SCN8A: variants seen among roughly 807,000 people sequenced by gnomAD.
SCN8A encodes the protein sodium channel protein type 8 subunit alpha.
SCN8A carries 30 observed loss-of-function variants against 184.1 expected under a neutral mutation model. That is an observed-to-expected ratio of 0.16 (90% CI 0.12 to 0.22). The LOEUF (loss-of-function observed/expected upper bound fraction) is 0.22, where lower values mean the gene tolerates loss of function less well. Among genes scored for constraint, SCN8A ranks in the 10% least tolerant of loss-of-function variants. The pLI is 1.00. For missense variants in SCN8A, 1,057 were observed against 2,498.9 expected (o/e 0.42, Z 12.30); for synonymous variants, 852 against 907.0 (o/e 0.94, Z 1.09).
rs754542157 is a variant in SCN8A at position 51,774,375 on chromosome 12, C to G, written c.3819+13C>G. On this transcript the variant is annotated intron_variant, in intron 20 of 26. Coordinates refer to ENST00000627620, the MANE Select transcript of SCN8A (RefSeq NM_001330260.2). Reference sequence around the variant, plus strand: ...CCTCATTGTGGCTGTAGGTGTCTTGCTTTCTGTTTCCCACCCCTTCCAGCA... The same window carrying G: ...CCTCATTGTGGCTGTAGGTGTCTTGGTTTCTGTTTCCCACCCCTTCCAGCA... 6.3e-6 allele frequency: 10 copies of G among 1,591,186 alleles called. No homozygotes were observed. In the African/African-American group the frequency reaches 1.1e-4, roughly 17 times the overall value.
At chr12:51,680,032 A>C (rs533581500) in intron 2 of SCN8A, among the ~76,000 whole-genome samples, 1 of 152,098 alleles carries the variant, frequency 6.6e-6, no homozygotes, top group Admixed American at 6.5e-5. Context: ...AAAAAGATCC[A>C]TTGTGAAAAA....
rs556325115 is a variant in SCN8A, at chr12:51,745,906, A to G, written c.2002A>G (p.Thr668Ala). Residue 668 changes from threonine to alanine, a missense_variant, in exon 13 of 27, where the codon ACA (threonine) becomes GCA (alanine). This residue lies in a region of SCN8A where 322 missense variants were observed against 390.1 expected (regional missense o/e 0.83). Coordinates refer to ENST00000627620, the MANE Select transcript of SCN8A (RefSeq NM_001330260.2). Reference sequence around the variant, plus strand: ...TTTTCTTTTTTTTTTTTTAAAGGCTACAACTGAGGTGGAAATTAAGAAGAA... The same window carrying G: ...TTTTCTTTTTTTTTTTTTAAAGGCTGCAACTGAGGTGGAAATTAAGAAGAA... ...HIGGRLLPEA[T>A]TEVEIKKKGP... 1.0e-5 allele frequency: 16 copies of G among 1,576,516 alleles called. No homozygotes were observed. The South Asian group carries it at 1.2e-4, about 12-fold the overall frequency.
chr12:51,779,403 T>C (rs554304845), intron 20 of SCN8A, among the ~76,000 whole-genome samples: 3 of 152,148 alleles, frequency 2.0e-5, no homozygotes, highest in Non-Finnish European at 2.9e-5. Flanking sequence ...AGAGCTCTGG[T>C]AGAACAAGGT....
At chr12:51,713,667 T>C (rs1394877435) in intron 11 of SCN8A, 1 of 548,414 alleles carries the variant, frequency 1.8e-6, no homozygotes, top group African/African-American at 1.9e-5. Context: ...TATTTCTCTA[T>C]ATTTTTAAGG....
intron 1 of SCN8A, among the ~76,000 whole-genome samples, chr12:51,659,217 C>A (rs537040044): frequency 6.2e-4 from 95 of 152,178 alleles, no homozygotes; most frequent in African/African-American, 2.1e-3. Context: ...AAGCCAGAAC[C>A]CAAAGAGTAT....
intron 26 of SCN8A, among the ~76,000 whole-genome samples, chr12:51,800,651 T>G (rs777957475): frequency 5.3e-5 from 8 of 152,200 alleles, no homozygotes; most frequent in Non-Finnish European, 1.2e-4. Context: ...ACAGGATGAA[T>G]CCGGGACCCA....
At chr12:51,665,760 T>G (rs1416992965) in intron 2 of SCN8A, among the ~76,000 whole-genome samples, 1 of 152,082 alleles carries the variant, frequency 6.6e-6, no homozygotes, top group East Asian at 1.9e-4. Flanking sequence ...ACAGGAACCC[T>G]CATGAAGAAA....
intron 14 of SCN8A, among the ~76,000 whole-genome samples, chr12:51,759,242 T>A (rs753517395): frequency 1.5e-4 from 23 of 150,946 alleles, no homozygotes; most frequent in Non-Finnish European, 3.1e-4. Context: ...TAAATGAAAA[T>A]ATATATATAA....
At chr12:51,792,852 C>T (rs1938303476) in intron 25 of SCN8A, among the ~76,000 whole-genome samples, 2 of 152,176 alleles carry the variant, frequency 1.3e-5, no homozygotes, top group African/African-American at 4.8e-5. Flanking sequence ...AAGCAATTCT[C>T]GTGCCTCAGC....
chr12:51,773,935 T>A (rs117332825), intron 19 of SCN8A, among the ~76,000 whole-genome samples: 6 of 152,330 alleles, frequency 3.9e-5, no homozygotes, highest in Non-Finnish European at 7.3e-5. Context: ...GTTCTAAAAT[T>A]GATTGTGGTG....
intron 12 of SCN8A, among the ~76,000 whole-genome samples, chr12:51,725,840 G>T (rs2138790467): frequency 6.6e-6 from 1 of 152,270 alleles, no homozygotes; most frequent in African/African-American, 2.4e-5. Flanking sequence ...ACCTCTTGGG[G>T]CTAGGATTTA....
intron 23 of SCN8A, 82 bp from the exon 24 acceptor site, chr12:51,789,199 T>G: frequency 6.8e-7 from 1 of 1,480,580 alleles, no homozygotes; most frequent in South Asian, 1.2e-5. Flanking sequence ...GCTCAAATGG[T>G]CACAGTTACG....
At chr12:51,639,423 A>AT (rs796121396) in intron 1 of SCN8A, among the ~76,000 whole-genome samples, 6 of 151,268 alleles carry the variant, frequency 4.0e-5, no homozygotes, top group African/African-American at 1.2e-4. Flanking sequence ...TTCATTTTTG[A>AT]TTTTTTTAAG....
chr12:51,750,874 C>T (rs1317378047), intron 13 of SCN8A, among the ~76,000 whole-genome samples: 3 of 152,084 alleles, frequency 2.0e-5, no homozygotes, highest in Admixed American at 2.0e-4. Flanking sequence ...TAATAGAATA[C>T]CTACCATTTA....
chr12:51,695,010 CTG>C (rs991937066), intron 6 of SCN8A, among the ~76,000 whole-genome samples: 2 of 152,164 alleles, frequency 1.3e-5, no homozygotes, highest in African/African-American at 4.8e-5. Context: ...AGTTCAGTGA[CTG>C]TTTATTATTT....
chr12:51,662,559 T>A (rs1158490360), intron 1 of SCN8A, among the ~76,000 whole-genome samples: 1 of 152,166 alleles, frequency 6.6e-6, no homozygotes, highest in African/African-American at 2.4e-5. Context: ...TAACTAGCAA[T>A]TCAGGAGACT....
At chr12:51,756,750 T>A (rs1031393467) in intron 14 of SCN8A, among the ~76,000 whole-genome samples, 11 of 152,204 alleles carry the variant, frequency 7.2e-5, no homozygotes, top group African/African-American at 2.7e-4. Flanking sequence ...GGCCGTGCCC[T>A]TCCTGGGGTT....
At chr12:51,607,476 G>A (rs544486554) in intron 1 of SCN8A, among the ~76,000 whole-genome samples, 5 of 152,234 alleles carry the variant, frequency 3.3e-5, no homozygotes, top group African/African-American at 1.2e-4. Context: ...GAAGACAAGT[G>A]GTGAGAGTAG....
rs528407040 is a variant in SCN8A at position 51,642,041 on chromosome 12, A to G, written c.-54-20723A>G. Reference sequence around the variant, plus strand: ...GCCCGCATTGTATACTAGTTGTCCTATCTCCTTTTTTTCTTTCTCCTGCAC... The same window carrying G: ...GCCCGCATTGTATACTAGTTGTCCTGTCTCCTTTTTTTCTTTCTCCTGCAC... On this transcript the variant is annotated intron_variant, in intron 1 of 26. Transcript: ENST00000627620. Among the ~76,000 whole-genome samples, 27 of 152,252 alleles carry G rather than the reference A, an allele frequency of 1.8e-4. 1 individual carries two copies. The South Asian group carries it at 2.5e-3, about 14-fold the overall frequency.
Sources: gnomAD v4.1 joint callset for allele counts (sites outside exome capture counted in the v4.1 genomes callset) on GRCh38, gnomAD v4.1.1 for gene constraint, gnomAD v4.1.1 regional missense constraint, MANE v1.5 for transcripts, NCBI Gene and HGNC (gene_info 2026-07-23, HGNC 2026-07-21) for gene names.